The following ASCC3 variants were observed in gnomAD, a reference collection of about 807,000 sequenced individuals.
ASCC3 encodes the protein ASC-1 complex subunit P200.
In ASCC3, 158 loss-of-function variants were observed where a neutral mutation model predicts 256.3. The observed-to-expected ratio is 0.62, with a 90% CI of 0.54 to 0.70. The LOEUF (loss-of-function observed/expected upper bound fraction) is 0.70, where lower values mean the gene tolerates loss of function less well. Ranked by LOEUF, ASCC3 falls within the 30% of genes least tolerant of loss-of-function variation. The probability of loss-of-function intolerance (pLI) is 0.00; values close to 1 mark genes in which losing one functional copy is unlikely to be tolerated. For synonymous variants in ASCC3, 948 were observed against 883.4 expected (o/e 1.07, Z -1.30); for missense variants, 2,259 against 2,626.0 (o/e 0.86, Z 3.05).
chr6:100,731,594 T>C (rs1779905032), intron 10 of ASCC3, among the ~76,000 whole-genome samples: 1 of 152,210 alleles, frequency 6.6e-6, no homozygotes, highest in South Asian at 2.1e-4. Flanking sequence ...AAAGACAGTT[T>C]GCTGTTCACA....
chr6:100,648,746 T>C (rs1235286329), intron 20 of ASCC3, among the ~76,000 whole-genome samples: 1 of 151,976 alleles, frequency 6.6e-6, no homozygotes, highest in East Asian at 1.9e-4. Flanking sequence ...CAGGCTAATT[T>C]TCCTGCCTTT....
chr6:100,832,873 A>G (rs979345354), intron 4 of ASCC3, among the ~76,000 whole-genome samples: 1 of 152,180 alleles, frequency 6.6e-6, no homozygotes, highest in African/African-American at 2.4e-5. Flanking sequence ...AAAACTACAC[A>G]GCAAATGAAA....
intron 19 of ASCC3, among the ~76,000 whole-genome samples, chr6:100,650,915 T>C (rs1775638043): frequency 6.6e-6 from 1 of 151,844 alleles, no homozygotes; most frequent in Admixed American, 6.6e-5. Context: ...GCTGATACAA[T>C]TACATTTTAT....
chr6:100,745,095 G>A (rs749237815), intron 10 of ASCC3, among the ~76,000 whole-genome samples: 5 of 152,158 alleles, frequency 3.3e-5, no homozygotes, highest in South Asian at 2.1e-4. Flanking sequence ...TTGGGAGGCC[G>A]AGGCAGGCGG....
Position 100,651,547 on chromosome 6 carries a change from C to A in ASCC3, c.3075+13G>T. 6.6e-7 allele frequency: 1 copy of A among 1,518,992 alleles called. No individual in the cohort carries two copies. The highest frequency in any genetic ancestry group is 9.0e-7 in the Non-Finnish European group (1 of 1,109,560). 94.1% of individuals were successfully genotyped at this position (1,518,992 alleles called of 1,614,324 possible). A position where few individuals can be genotyped will look rare whatever the true frequency, so the allele number is the denominator to read the frequency against. ...TGTTGTATGCATTTGATTCAAATTT[C>A]AAGAAATCTTACCTTAATTTGATCA... On this transcript the variant is annotated intron_variant, in intron 19 of 41. Transcript: ENST00000369162.
intron 4 of ASCC3, among the ~76,000 whole-genome samples, chr6:100,846,935 A>G (rs1469834131): frequency 6.6e-6 from 1 of 152,134 alleles, no homozygotes; most frequent in Non-Finnish European, 1.5e-5. Flanking sequence ...TTGCTATCTT[A>G]TTCATCCTTT....
chr6:100,697,555 A>C (rs552667594), intron 13 of ASCC3, among the ~76,000 whole-genome samples: 2,285 of 152,136 alleles, frequency 0.015, 53 homozygotes, highest in African/African-American at 0.052. Flanking sequence ...TAAAAAAAAA[A>C]ACATTTTCAA....
intron 8 of ASCC3, among the ~76,000 whole-genome samples, chr6:100,796,947 C>T (rs1769646616): frequency 6.6e-6 from 1 of 152,076 alleles, no homozygotes; most frequent in Non-Finnish European, 1.5e-5. Context: ...ACATCCTAAT[C>T]CTCAGGTCTG....
At chr6:100,878,959 A>G (rs1442446573) in intron 1 of ASCC3, among the ~76,000 whole-genome samples, 4 of 152,184 alleles carry the variant, frequency 2.6e-5, no homozygotes, top group Non-Finnish European at 2.9e-5. Context: ...AAGACTGCCC[A>G]CCACTTCTGA....
chr6:100,697,380 T>C (rs1343417057), intron 13 of ASCC3, among the ~76,000 whole-genome samples: 1 of 150,812 alleles, frequency 6.6e-6, no homozygotes, highest in East Asian at 2.0e-4. Flanking sequence ...GATGGAAAAG[T>C]TGGTAACTTC....
At chr6:100,825,031 T>C (rs771103801) in intron 4 of ASCC3, among the ~76,000 whole-genome samples, 5 of 152,294 alleles carry the variant, frequency 3.3e-5, no homozygotes, top group South Asian at 2.1e-4. Context: ...GCTACAATGA[T>C]TGAACCATAT....
At chr6:100,806,534 C>A (rs1770191431) in intron 4 of ASCC3, among the ~76,000 whole-genome samples, 1 of 151,836 alleles carries the variant, frequency 6.6e-6, no homozygotes, top group African/African-American at 2.4e-5. Context: ...TATAACTATT[C>A]TAGGAAGTCT....
intron 30 of ASCC3, 136 bp from the exon 31 acceptor site, chr6:100,607,224 T>C: frequency 4.5e-6 from 4 of 894,288 alleles, no homozygotes; most frequent in Non-Finnish European, 6.9e-6. Flanking sequence ...TATACAGTTA[T>C]GATTAAAGTT....
intron 8 of ASCC3, among the ~76,000 whole-genome samples, chr6:100,786,971 G>A (rs1769114739): frequency 2.0e-5 from 3 of 152,216 alleles, no homozygotes; most frequent in Middle Eastern, 3.4e-3. Flanking sequence ...GTAAGTATCA[G>A]TTTTAGATGG....
At chr6:100,699,166 T>C (rs952206940) in intron 13 of ASCC3, among the ~76,000 whole-genome samples, 8 of 152,172 alleles carry the variant, frequency 5.3e-5, no homozygotes, top group African/African-American at 1.9e-4. Context: ...TTTGGCTGTG[T>C]CCCCACACAA....
intron 36 of ASCC3, among the ~76,000 whole-genome samples, chr6:100,576,756 G>T (rs1427077728): frequency 6.6e-6 from 1 of 151,920 alleles, no homozygotes; most frequent in East Asian, 1.9e-4. Context: ...TTAGTGAAGA[G>T]AAAGTTTCGA....
Position 100,629,042 on chromosome 6 carries a change from G to A in ASCC3, c.4348C>T (p.Leu1450Phe). The A allele has an allele frequency of 6.2e-7, 1 of 1,613,602 alleles. No individual in the cohort carries two copies. The highest frequency in any genetic ancestry group is 8.5e-7 in the Non-Finnish European group (1 of 1,179,832). ...NRNYVQQVTI[L>F]IIDEIHLLGE... ...AGCAGATGGATCTCATCTATGATGA[G>A]AATAGTGACTTGCTGAACATAGTTC... The change falls in exon 27 of 42, where the codon CTC becomes TTC. Residue 1450 changes from leucine (L) to phenylalanine (F), a missense_variant. Leu to Phe is a conservative substitution (Grantham distance 22). Coordinates refer to ENST00000369162, the MANE Select transcript of ASCC3 (RefSeq NM_006828.4).
At chr6:100,531,125 G>GA in intron 37 of ASCC3, 1 of 943,980 alleles carries the variant, frequency 1.1e-6, no homozygotes. Flanking sequence ...ATTTCTGCTG[G>GA]CTGGACTGAA....
intron 14 of ASCC3, among the ~76,000 whole-genome samples, chr6:100,677,338 A>T (rs552778704): frequency 8.2e-5 from 11 of 133,874 alleles, no homozygotes; most frequent in East Asian, 2.8e-4. Flanking sequence ...TATTTTATTT[A>T]AAAAAAAAAG....
Sources: gnomAD v4.1 joint callset for allele counts (sites outside exome capture counted in the v4.1 genomes callset) on GRCh38, gnomAD v4.1.1 for gene constraint, MANE v1.5 for transcripts, NCBI Gene and HGNC (gene_info 2026-07-23, HGNC 2026-07-21) for gene names.